Variants in GRHL2 observed in about 807,000 individuals in gnomAD.
GRHL2 encodes grainyhead like transcription factor 2.
Under a neutral mutation model 83.8 loss-of-function variants are expected in GRHL2, and 21 were observed. The ratio of observed to expected loss-of-function variants is 0.25; its 90% confidence interval spans 0.18 to 0.36. The LOEUF is 0.36. Among genes scored for constraint, GRHL2 ranks in the 10% least tolerant of loss-of-function variants. The pLI, the probability that GRHL2 is intolerant of heterozygous loss-of-function variation, is 1.00. For synonymous variants in GRHL2, 280 were observed against 278.9 expected (o/e 1.00, Z -0.04); for missense variants, 623 against 781.8 (o/e 0.80, Z 2.42).
rs1232638953 is a variant in GRHL2, at chr8:101,669,708, T to TCATAA, written c.*3011_*3015dup. 1 of 152,312 alleles carries TCATAA rather than the reference T, an allele frequency of 6.6e-6. No individual in the cohort carries two copies. Among genetic ancestry groups the TCATAA allele is most frequent in the South Asian group, 2.1e-4 (1 of 4,826 alleles). The allele number at this position is 152,312 out of a possible 1,614,324, so 9.4% of individuals were successfully genotyped here. Reference sequence around the variant, plus strand: ...ATTTTTAAGGAGAAAAAATAAATATTCATAACATAAGAGTAAAACAACAGT... The same window carrying TCATAA: ...ATTTTTAAGGAGAAAAAATAAATATTCATAACATAACATAAGAGTAAAACAACAGT... On this transcript the variant is annotated 3_prime_UTR_variant, in exon 16 of 16. Coordinates refer to ENST00000646743, the MANE Select transcript of GRHL2 (RefSeq NM_024915.4).
chr8:101,664,042 G>A (rs2129766722), intron 14 of GRHL2, among the ~76,000 whole-genome samples: 1 of 152,014 alleles, frequency 6.6e-6, no homozygotes, highest in Admixed American at 6.5e-5. Flanking sequence ...ATTAACTCAT[G>A]GTTTCTTCCT....
chr8:101,528,609 A>G (rs896703467), intron 1 of GRHL2: 19 of 172,872 alleles, frequency 1.1e-4, no homozygotes, highest in Non-Finnish European at 1.8e-4. Flanking sequence ...TGTGACCGAG[A>G]AGAATCACAG....
At chr8:101,534,573 T>C (rs1811004108) in intron 1 of GRHL2, among the ~76,000 whole-genome samples, 1 of 151,766 alleles carries the variant, frequency 6.6e-6, no homozygotes, top group African/African-American at 2.4e-5. Flanking sequence ...CACGAGGGTG[T>C]GAATTCTAGG....
At chr8:101,498,271 G>A (rs1445418546) in intron 1 of GRHL2, among the ~76,000 whole-genome samples, 1 of 152,060 alleles carries the variant, frequency 6.6e-6, no homozygotes, top group African/African-American at 2.4e-5. Context: ...GGTGTGTGCT[G>A]CCACGCTCGG....
At chr8:101,534,614 G>T (rs1389211072) in intron 1 of GRHL2, among the ~76,000 whole-genome samples, 1 of 152,030 alleles carries the variant, frequency 6.6e-6, no homozygotes, top group Non-Finnish European at 1.5e-5. Flanking sequence ...CATATGGGAG[G>T]CTGGCTACCA....
chr8:101,652,615 T>TGTGAG (rs1554596898), intron 14 of GRHL2, among the ~76,000 whole-genome samples: 2 of 120,088 alleles, frequency 1.7e-5, no homozygotes, highest in Admixed American at 1.7e-4. Context: ...GTGTGTGTGG[T>TGTGAG]GTGTGTGTGT....
intron 8 of GRHL2, 91 bp from the exon 9 acceptor site, chr8:101,619,448 T>G: frequency 1.8e-6 from 2 of 1,084,144 alleles, no homozygotes; most frequent in Non-Finnish European, 2.8e-6. Flanking sequence ...ATGGGGTTGT[T>G]TAGTATTTTG....
At chr8:101,638,332 T>C (rs961266349) in intron 12 of GRHL2, among the ~76,000 whole-genome samples, 6 of 152,220 alleles carry the variant, frequency 3.9e-5, no homozygotes, top group Admixed American at 1.3e-4. Context: ...TTTAGTATAG[T>C]CTGCAAACTA....
chr8:101,657,215 A>ATAAC (rs749219854), intron 14 of GRHL2, among the ~76,000 whole-genome samples: 5 of 152,310 alleles, frequency 3.3e-5, no homozygotes, highest in Non-Finnish European at 5.9e-5. Context: ...TGAACAGCAT[A>ATAAC]TAACTCCACA....
chr8:101,507,022 C>T (rs1223157771), intron 1 of GRHL2, among the ~76,000 whole-genome samples: 1 of 152,156 alleles, frequency 6.6e-6, no homozygotes, highest in Non-Finnish European at 1.5e-5. Flanking sequence ...TCCAGCTGTG[C>T]TCCCCTCTGG....
At chr8:101,657,272 G>C (rs1204550050) in intron 14 of GRHL2, among the ~76,000 whole-genome samples, 1 of 152,154 alleles carries the variant, frequency 6.6e-6, no homozygotes, top group Non-Finnish European at 1.5e-5. Context: ...CAGTTCTGTT[G>C]TATGCCTCTG....
intron 8 of GRHL2, among the ~76,000 whole-genome samples, chr8:101,599,879 T>G (rs1427474464): frequency 6.6e-6 from 1 of 152,212 alleles, no homozygotes; most frequent in Non-Finnish European, 1.5e-5. Context: ...ATGCCCACTC[T>G]CCTTTCTGTG....
intron 1 of GRHL2, among the ~76,000 whole-genome samples, chr8:101,503,121 C>A (rs959643205): frequency 6.6e-6 from 1 of 152,174 alleles, no homozygotes; most frequent in Non-Finnish European, 1.5e-5. Flanking sequence ...TCTCTGAAGT[C>A]GACTTTTTCT....
At chr8:101,548,476 A>G (rs1811311298) in intron 2 of GRHL2, among the ~76,000 whole-genome samples, 1 of 152,216 alleles carries the variant, frequency 6.6e-6, no homozygotes, top group Non-Finnish European at 1.5e-5. Flanking sequence ...ATGATCTGTC[A>G]CATGCACAGA....
chr8:101,594,895 T>C (rs1812360212), intron 7 of GRHL2, among the ~76,000 whole-genome samples: 1 of 152,216 alleles, frequency 6.6e-6, no homozygotes, highest in Admixed American at 6.5e-5. Context: ...ATGTTGGTGA[T>C]AAATAGTAAA....
intron 12 of GRHL2, among the ~76,000 whole-genome samples, chr8:101,642,803 T>C (rs1299010861): frequency 6.6e-6 from 1 of 152,208 alleles, no homozygotes. Context: ...CCCTCAAAGG[T>C]GCTTCTCTGA....
At chr8:101,522,889 C>T (rs1652684461) in intron 1 of GRHL2, among the ~76,000 whole-genome samples, 1 of 151,052 alleles carries the variant, frequency 6.6e-6, no homozygotes, top group South Asian at 2.1e-4. Context: ...ATTGGGACCA[C>T]AAAGTAGAAA....
At chr8:101,681,132 C>A in the GRHL2 span, among the ~76,000 whole-genome samples, 7 of 150,044 alleles carry the variant, frequency 4.7e-5, no homozygotes, top group Admixed American at 4.7e-4. Context: ...ATTAATGAAT[C>A]CAGGAGCTGG....
chr8:101,506,852 C>T lies in GRHL2; in HGVS notation c.20+14063C>T, dbSNP rs1399503976. Among the ~76,000 whole-genome samples, 3 of 142,200 alleles carry T rather than the reference C, an allele frequency of 2.1e-5. No individual in the cohort carries two copies. In the East Asian group the frequency reaches 6.1e-4, roughly 29 times the overall value. 93.3% of individuals were successfully genotyped at this position (142,200 alleles called of 152,430 possible). ...TTGCAAGGCAAAAAAAAAAAAATTG[C>T]AATTTGATAGTTAAAGAGATTAAAC... On this transcript the variant is annotated intron_variant, in intron 1 of 15. Transcript: ENST00000646743.
Sources: allele counts gnomAD v4.1 joint callset (sites outside exome capture counted in the v4.1 genomes callset), GRCh38; gene constraint gnomAD v4.1.1; transcripts MANE v1.5; gene names NCBI Gene and HGNC (gene_info 2026-07-23, HGNC 2026-07-21).